Variants in STARD9 observed in about 807,000 individuals in gnomAD.
STARD9 encodes StAR related lipid transfer domain containing 9.
In STARD9, 346 loss-of-function variants were observed where a neutral mutation model predicts 399.8. The ratio of observed to expected loss-of-function variants is 0.87; its 90% CI spans 0.79 to 0.95. STARD9 has a LOEUF of 0.95. STARD9 is among the 40% of genes least tolerant of loss of function. STARD9 has a pLI of 0.00. For missense variants in STARD9, 5,832 were observed against 5,667.5 expected (o/e 1.03, Z -0.93); for synonymous variants, 2,203 against 2,143.5 (o/e 1.03, Z -0.77).
rs991170153 is a variant in STARD9 at position 42,694,309 on chromosome 15, C to A, written c.12731C>A (p.Pro4244His). 3 of 1,518,538 alleles carry A rather than the reference C, an allele frequency of 2.0e-6. No homozygotes were observed. The highest frequency in any genetic ancestry group is 3.4e-4 in the Middle Eastern group (2 of 5,886). The allele number at this position is 1,518,538 out of a possible 1,614,324, so 94.1% of individuals were successfully genotyped here. Residue 4244 changes from proline to histidine, a missense_variant, in exon 23 of 33, where the codon CCT (proline) becomes CAT (histidine). By Grantham distance (77) the Pro-to-His change is moderately conservative (BLOSUM62 -2). This residue lies in a region of STARD9 where 5,828 missense variants were observed against 5,651.1 expected (regional missense o/e 1.03). Coordinates refer to ENST00000290607, the MANE Select transcript of STARD9 (RefSeq NM_020759.3). Reference protein sequence around the residue: ...GTGEALAADEPVTSTWKELYA... With the variant: ...GTGEALAADEHVTSTWKELYA... Reference sequence around the variant, plus strand: ...GGGGAGGCGCTTGCTGCTGATGAACCTGTGACATCCACCTGGAAGGAGCTC... The same window carrying A: ...GGGGAGGCGCTTGCTGCTGATGAACATGTGACATCCACCTGGAAGGAGCTC...
chr15:42,692,333 C>T lies in STARD9; in HGVS notation c.10755C>T (p.Asp3585=). Residue 3585 remains aspartate, a synonymous_variant, in exon 23 of 33, where the codon GAC becomes GAT. Coordinates refer to ENST00000290607, the MANE Select transcript of STARD9 (RefSeq NM_020759.3). ...GAGTAGCCCCCACTTCGGGTCATGACAGAAGGCCTCAGTTCAGGGGCCCTT... is the reference window on the plus strand; with the variant it reads ...GAGTAGCCCCCACTTCGGGTCATGATAGAAGGCCTCAGTTCAGGGGCCCTT... ...PEGVAPTSGH[D]RRPQFRGPSG... is the part of the protein sequence containing the mutation. 2 of 1,537,028 alleles carry T rather than the reference C, an allele frequency of 1.3e-6. No individual in the cohort carries two copies. Among genetic ancestry groups the T allele is most frequent in the Non-Finnish European group, 1.7e-6 (2 of 1,146,898 alleles).
At position 42,682,182 on chromosome 15, in the gene STARD9, AAG is replaced by A; in HGVS notation, c.2146_2147del (p.Glu716ThrfsTer2). The stretch of plus-strand genomic sequence containing the variant: ...CAGCAAGAAGACCAGGTAGCAGAGA[AAG>A]AACTTGAGGCATCTGTGGCACTTGA... On this transcript the variant is annotated frameshift_variant, in exon 22 of 33. Transcript: ENST00000290607. LOFTEE classifies it high-confidence loss of function. The A allele has an allele frequency of 6.5e-7, 1 of 1,537,264 alleles. No individual in the cohort carries two copies. The highest frequency in any genetic ancestry group is 8.7e-7 in the Non-Finnish European group (1 of 1,146,906).
At position 42,685,808 on chromosome 15, in the gene STARD9, A is replaced by G; in HGVS notation, c.4230A>G (p.Arg1410=). The G allele has an allele frequency of 6.5e-7, 1 of 1,537,258 alleles. No homozygotes were observed. Among genetic ancestry groups the G allele is most frequent in the Non-Finnish European group, 8.7e-7 (1 of 1,146,958 alleles). Residue 1410 remains arginine (R), a synonymous_variant, in exon 23 of 33, where the codon AGA becomes AGG. Coordinates refer to ENST00000290607, the MANE Select transcript of STARD9 (RefSeq NM_020759.3). ...QGSTELLCSA[R]DEHTASAADT... is the part of the protein sequence containing the mutation. ...GTACTGAGCTCCTCTGCAGTGCAAG[A>G]GATGAGCACACAGCCTCTGCTGCTG...
chr15:42,687,675 T>C lies in STARD9; in HGVS notation c.6097T>C (p.Ser2033Pro), dbSNP rs2060594809. 2 of 1,536,946 alleles carry C rather than the reference T, an allele frequency of 1.3e-6. No homozygotes were observed. The highest frequency in any genetic ancestry group is 1.7e-6 in the Non-Finnish European group (2 of 1,146,884). ...AATGTTAAATCCCAACAGAGAACCT[T>C]CTGGAAAGAAACAGAATAAAAGAGT... ...QEMLNPNREP[S>P]GKKQNKRVNN... The change falls in exon 23 of 33, where the codon TCT (serine) becomes CCT (proline). Residue 2033 changes from serine to proline, a missense_variant. Physicochemically the swap from Ser to Pro is moderately conservative, Grantham distance 74 (BLOSUM62 -1). Coordinates refer to ENST00000290607, the MANE Select transcript of STARD9 (RefSeq NM_020759.3).
At chr15:42,615,489 T>C (rs2058944788) in intron 3 of STARD9, among the ~76,000 whole-genome samples, 1 of 152,128 alleles carries the variant, frequency 6.6e-6, no homozygotes, top group Non-Finnish European at 1.5e-5. Context: ...CATCCCATTT[T>C]TTAGTTAAAA....
rs775555339 is a variant in STARD9, at chr15:42,607,456, C to T, written c.234+21819C>T. Among the ~76,000 whole-genome samples the T allele has an allele frequency of 2.0e-5, 3 of 151,674 alleles. No homozygotes were observed. The South Asian group carries it at 6.3e-4, about 32-fold the overall frequency. On this transcript the variant is annotated intron_variant, in intron 3 of 32. Transcript: ENST00000290607. ...GACCTCAAGTGATCTGCCCACCTCA[C>T]CCTCCCAAAGTGCTGGGATGACAGG... is the stretch of plus-strand genomic sequence containing the variant.
chr15:42,684,027 A>T, intron 22 of STARD9, 89 bp from the exon 23 acceptor site: 3 of 1,378,558 alleles, frequency 2.2e-6, no homozygotes, highest in Non-Finnish European at 2.9e-6. Flanking sequence ...TATAGGAGAC[A>T]GTGACACTGG....
intron 1 of STARD9, chr15:42,581,311 A>G: frequency 8.0e-7 from 1 of 1,249,332 alleles, no homozygotes; most frequent in Non-Finnish European, 1.2e-6. Flanking sequence ...CGAAGATCCA[A>G]CAGAAACTTT....
chr15:42,665,979 C>T, intron 15 of STARD9, 131 bp downstream of exon 15: 1 of 758,798 alleles, frequency 1.3e-6, no homozygotes. Context: ...ATGTTTGTTT[C>T]CTTTAAGCCT....
chr15:42,598,415 C>T (rs924541022), intron 3 of STARD9, among the ~76,000 whole-genome samples: 3 of 150,804 alleles, frequency 2.0e-5, no homozygotes, highest in African/African-American at 7.3e-5. Context: ...CTTTCTCACT[C>T]TGAGATTATA....
intron 13 of STARD9, 106 bp from the exon 14 acceptor site, chr15:42,665,147 T>C (rs2060069700): frequency 6.1e-6 from 5 of 820,194 alleles, no homozygotes; most frequent in African/African-American, 3.4e-5. Flanking sequence ...CTGTAGAGAC[T>C]ACTCCAAAGG....
In STARD9 at chr15:42,585,554, C is replaced by T. The variant is rs776713748; in HGVS notation, c.151C>T (p.Arg51Trp). Residue 51 changes from arginine (R) to tryptophan (W), a missense_variant, in exon 3 of 33, where the codon CGG becomes TGG. By Grantham distance (101) the Arg-to-Trp change is moderately radical. Coordinates refer to ENST00000290607, the MANE Select transcript of STARD9 (RefSeq NM_020759.3). The stretch of plus-strand genomic sequence containing the variant: ...TCGACCAGATGGCTTTGGGGACTCC[C>T]GGGAGAAGGTTATGGCATTTGGCTT... ...DNRPDGFGDS[R>W]EKVMAFGFDY... 161 of 1,536,930 alleles carry T rather than the reference C, an allele frequency of 1.0e-4. No homozygotes were observed. Among genetic ancestry groups the T allele is most frequent in the Non-Finnish European group, 1.3e-4 (148 of 1,146,812 alleles).
rs2061357198 is a variant in STARD9, at chr15:42,716,702, G to A, written c.13310G>A (p.Arg4437Lys). The A allele has an allele frequency of 1.3e-6, 2 of 1,536,760 alleles. No homozygotes were observed. Among genetic ancestry groups the A allele is most frequent in the African/African-American group, 1.4e-5 (1 of 73,038 alleles). ...GGGCATACAAACTTGCCTGATTCCA[G>A]GGATGTATGGATAGGGGATGAGCGA... ...NMGHTNLPDS[R>K]DVWIGDERGG... is the part of the protein sequence containing the mutation. Residue 4437 changes from arginine (R) to lysine (K), a missense_variant, in exon 27 of 33, where the codon AGG (arginine) becomes AAG (lysine). Physicochemically the swap from Arg to Lys is conservative, Grantham distance 26 (BLOSUM62 2). Transcript: ENST00000290607.
At position 42,688,376 on chromosome 15, in the gene STARD9, A is replaced by G. The variant is rs2060611987; in HGVS notation, c.6798A>G (p.Gln2266=). ...CTGAACACGTAAGTAGTTCCAACCA[A>G]GAAGAGCCAAAAGCTCAAGGTAAAG... ...QVAEHVSSSN[Q]EEPKAQGKVE... Residue 2266 remains glutamine (Q), a synonymous_variant, in exon 23 of 33, where the codon CAA becomes CAG. Transcript: ENST00000290607. The G allele has an allele frequency of 4.6e-6, 7 of 1,537,484 alleles. No individual in the cohort carries two copies. Among genetic ancestry groups the G allele is most frequent in the Non-Finnish European group, 2.6e-6 (3 of 1,146,982 alleles).
intron 26 of STARD9, among the ~76,000 whole-genome samples, chr15:42,711,104 A>G (rs2061208980): frequency 6.6e-6 from 1 of 151,384 alleles, no homozygotes; most frequent in South Asian, 2.1e-4. Flanking sequence ...CAGCCTCTCA[A>G]AGTGCTGAAA....
chr15:42,578,834 C>T (rs1349309479), intron 1 of STARD9, among the ~76,000 whole-genome samples: 1 of 152,204 alleles, frequency 6.6e-6, no homozygotes, highest in Non-Finnish European at 1.5e-5. Context: ...GAACTATTCA[C>T]ATTTTTGTAG....
intron 3 of STARD9, among the ~76,000 whole-genome samples, chr15:42,601,392 C>T (rs78374955): frequency 7.9e-5 from 12 of 151,998 alleles, no homozygotes; most frequent in African/African-American, 1.7e-4. Context: ...CACCTCCCGA[C>T]GGGGTGGCGG....
chr15:42,674,552 C>T, intron 17 of STARD9, 61 bp downstream of exon 17: 1 of 1,439,622 alleles, frequency 6.9e-7, no homozygotes, highest in South Asian at 1.2e-5. Flanking sequence ...CGAAAGGTTT[C>T]TTCGAGGACT....
intron 2 of STARD9, 126 bp downstream of exon 2, chr15:42,583,541 TA>T (rs759383832): frequency 2.0e-4 from 124 of 620,478 alleles, no homozygotes; most frequent in Non-Finnish European, 3.1e-4. Flanking sequence ...ATAAGAGGAA[TA>T]GGGGGAGGAG....
Sources: gnomAD v4.1 joint callset for allele counts (sites outside exome capture counted in the v4.1 genomes callset) on GRCh38, gnomAD v4.1.1 for gene constraint, gnomAD v4.1.1 regional missense constraint, MANE v1.5 for transcripts, NCBI Gene and HGNC (gene_info 2026-07-23, HGNC 2026-07-21) for gene names.